The following CTNNA3 variants were observed in gnomAD, a reference collection of about 807,000 sequenced individuals.
CTNNA3 encodes catenin alpha 3.
CTNNA3 carries 76 observed loss-of-function variants against 95.7 expected under a neutral mutation model. The ratio of observed to expected loss-of-function variants is 0.79; its 90% CI spans 0.66 to 0.96. The LOEUF (loss-of-function observed/expected upper bound fraction) is 0.96. Among genes scored for constraint, CTNNA3 ranks in the 40% least tolerant of loss-of-function variants. The pLI is 0.00. For missense variants in CTNNA3, 1,191 were observed against 1,089.8 expected, an observed-to-expected ratio of 1.09 and a Z score of -1.31; for synonymous variants, 431 against 374.4, an observed-to-expected ratio of 1.15 and a Z score of -1.74.
Position 66,670,041 on chromosome 10 carries a change from A to G in CTNNA3, c.1282-48257T>C, listed in dbSNP as rs545599490. On this transcript the variant is annotated intron_variant, in intron 9 of 17. Coordinates refer to ENST00000433211, the MANE Select transcript of CTNNA3 (RefSeq NM_013266.4). ...AAAAAAATTAAACAAGGAACATTTG[A>G]GATTCATGGTATAGAAATCTCCCTT... Among the ~76,000 whole-genome samples the G allele has an allele frequency of 8.5e-4, 130 of 152,310 alleles. 2 individuals carry two copies. The highest frequency in any genetic ancestry group is 2.8e-3 in the African/African-American group (117 of 41,560).
chr10:67,701,160 G>A (rs569840971), upstream of CTNNA3, among the ~76,000 whole-genome samples: 7 of 152,362 alleles, frequency 4.6e-5, no homozygotes, highest in South Asian at 1.4e-3. Context: ...TGGTGTACCT[G>A]AAAGTGATGG....
At chr10:66,003,719 AT>A in intron 15 of CTNNA3, among the ~76,000 whole-genome samples, 1 of 152,228 alleles carries the variant, frequency 6.6e-6, no homozygotes, top group East Asian at 1.9e-4. Context: ...TGAAGATTTA[AT>A]ATTTTTTTGT....
chr10:67,763,425 G>T (rs963692532), intron 1 of CTNNA3, among the ~76,000 whole-genome samples: 1 of 152,166 alleles, frequency 6.6e-6, no homozygotes, highest in African/African-American at 2.4e-5. Flanking sequence ...CTCAAGAAAA[G>T]TTACACACCT....
At chr10:66,430,306 A>G (rs899283350) in intron 11 of CTNNA3, among the ~76,000 whole-genome samples, 2 of 152,184 alleles carry the variant, frequency 1.3e-5, no homozygotes, top group Non-Finnish European at 2.9e-5. Flanking sequence ...AAGAATCAAT[A>G]TCGTGAAAAT....
chr10:67,626,874 C>T (rs1190687104), intron 2 of CTNNA3, among the ~76,000 whole-genome samples: 1 of 151,938 alleles, frequency 6.6e-6, no homozygotes, highest in East Asian at 1.9e-4. Context: ...TATAACTAGC[C>T]CAAAACTTTT....
chr10:66,629,528 C>A (rs1254684248), intron 9 of CTNNA3, among the ~76,000 whole-genome samples: 4 of 152,028 alleles, frequency 2.6e-5, no homozygotes, highest in Non-Finnish European at 2.9e-5. Flanking sequence ...TTATTTTATT[C>A]TTGTTTCCAG....
chr10:66,935,769 C>T lies in CTNNA3; in HGVS notation c.1048-160245G>A, dbSNP rs10997447. ...TTGATAAAAAGTGTTTTATGCGTTT[C>T]GTAAACTCAGATAGTTTTCCTTAAA... On this transcript the variant is annotated intron_variant, in intron 7 of 17. Coordinates refer to ENST00000433211, the MANE Select transcript of CTNNA3 (RefSeq NM_013266.4). Among the ~76,000 whole-genome samples, 741 of 150,288 alleles carry T rather than the reference C, an allele frequency of 4.9e-3. 37 individuals are homozygous for T. The East Asian group carries it at 0.1, about 21-fold the overall frequency.
At chr10:66,860,104 C>T (rs922518060) in intron 7 of CTNNA3, among the ~76,000 whole-genome samples, 1 of 149,436 alleles carries the variant, frequency 6.7e-6, no homozygotes, top group African/African-American at 2.5e-5. Context: ...CAGCATGGCA[C>T]ATGTATACAT....
At chr10:67,102,426 A>G (rs776680776) in intron 7 of CTNNA3, among the ~76,000 whole-genome samples, 14 of 151,890 alleles carry the variant, frequency 9.2e-5, no homozygotes, top group Middle Eastern at 3.4e-3. Flanking sequence ...TTATTGTGAG[A>G]TAGGAGGCAA....
At chr10:67,134,484 G>A (rs1248991429) in intron 7 of CTNNA3, among the ~76,000 whole-genome samples, 1 of 151,908 alleles carries the variant, frequency 6.6e-6, no homozygotes, top group Admixed American at 6.6e-5. Context: ...GATTTTATGG[G>A]GCCACTCTCA....
At chr10:67,405,105 AC>A (rs746850800) in intron 5 of CTNNA3, among the ~76,000 whole-genome samples, 13 of 152,232 alleles carry the variant, frequency 8.5e-5, no homozygotes, top group Non-Finnish European at 1.3e-4. Flanking sequence ...CTACAAAAAT[AC>A]ACTGAAGTAT....
intron 5 of CTNNA3, among the ~76,000 whole-genome samples, chr10:67,226,290 A>G (rs1864910251): frequency 6.6e-6 from 1 of 152,234 alleles, no homozygotes; most frequent in East Asian, 1.9e-4. Context: ...AAAACCTTGG[A>G]AAACATATTT....
intron 13 of CTNNA3, among the ~76,000 whole-genome samples, chr10:66,246,635 G>C (rs554480756): frequency 6.6e-6 from 1 of 151,804 alleles, no homozygotes; most frequent in Non-Finnish European, 1.5e-5. Context: ...AATTCTATCA[G>C]ATGATTTTAA....
At chr10:66,821,622 A>T (rs755830404) in intron 7 of CTNNA3, among the ~76,000 whole-genome samples, 2 of 152,184 alleles carry the variant, frequency 1.3e-5, no homozygotes, top group African/African-American at 2.4e-5. Context: ...GTTTTGAGTC[A>T]TAAGAGCAAA....
At chr10:66,714,765 T>G (rs1848401094) in intron 9 of CTNNA3, among the ~76,000 whole-genome samples, 1 of 152,144 alleles carries the variant, frequency 6.6e-6, no homozygotes, top group Non-Finnish European at 1.5e-5. Context: ...CTCCAAGTGA[T>G]TATCATGCAT....
chr10:66,309,685 CAAAAAAAAAAAAAA>C (rs60400266), intron 12 of CTNNA3, among the ~76,000 whole-genome samples: 2 of 41,770 alleles, frequency 4.8e-5, no homozygotes, highest in South Asian at 1.3e-3. Context: ...GACTCCGTCT[CAAAAAAAAAAAAAA>C]AAAAAAAAAA....
chr10:66,093,699 T>C (rs2081291727), intron 14 of CTNNA3, among the ~76,000 whole-genome samples: 1 of 152,082 alleles, frequency 6.6e-6, no homozygotes, highest in Non-Finnish European at 1.5e-5. Context: ...AAATTGAATA[T>C]TTCAGTGTAG....
intron 9 of CTNNA3, among the ~76,000 whole-genome samples, chr10:66,628,970 T>C (rs572323712): frequency 6.6e-6 from 1 of 152,208 alleles, no homozygotes; most frequent in African/African-American, 2.4e-5. Flanking sequence ...AAAAAGTTCT[T>C]GGAGGTATAT....
chr10:67,493,162 G>C (rs1434568952), intron 5 of CTNNA3, among the ~76,000 whole-genome samples: 2 of 150,676 alleles, frequency 1.3e-5, no homozygotes, highest in African/African-American at 4.9e-5. Context: ...TTTCAGGCCA[G>C]ATTTCTTTGA....
Sources: allele counts gnomAD v4.1 joint callset (sites outside exome capture counted in the v4.1 genomes callset), GRCh38; gene constraint gnomAD v4.1.1; transcripts MANE v1.5; gene names NCBI Gene and HGNC (gene_info 2026-07-23, HGNC 2026-07-21).